The following CAMTA1 variants were observed in gnomAD, a reference collection of about 807,000 sequenced individuals.
The protein encoded by CAMTA1 is calmodulin binding transcription activator 1, also known as calmodulin-binding transcription activator 1.
Under a neutral mutation model 170.9 loss-of-function variants are expected in CAMTA1, and 27 were observed. The ratio of observed to expected loss-of-function variants is 0.16; its 90% CI spans 0.12 to 0.22. The LOEUF is 0.22. Among genes scored for constraint, CAMTA1 ranks in the 10% least tolerant of loss-of-function variants. CAMTA1 has a pLI of 1.00. For missense variants in CAMTA1, 1,619 were observed against 2,217.2 expected (o/e 0.73, Z 5.42); for synonymous variants, 833 against 891.5 (o/e 0.93, Z 1.17).
At chr1:7,684,884 AC>A (rs2096244846) in intron 11 of CAMTA1, among the ~76,000 whole-genome samples, 1 of 151,900 alleles carries the variant, frequency 6.6e-6, no homozygotes, top group East Asian at 1.9e-4. Flanking sequence ...GGCAAAACTG[AC>A]CCCCAGAAAA....
chr1:6,969,513 T>C (rs10864258), intron 3 of CAMTA1, among the ~76,000 whole-genome samples: 150,306 of 152,318 alleles, frequency 0.99, 74,182 homozygotes, highest in Middle Eastern at 1. Flanking sequence ...CCAGATGATG[T>C]AGTGGGAACT....
chr1:7,088,866 T>C (rs1641094271), intron 3 of CAMTA1, among the ~76,000 whole-genome samples: 1 of 152,176 alleles, frequency 6.6e-6, no homozygotes, highest in African/African-American at 2.4e-5. Flanking sequence ...GCTTAGTAAA[T>C]CCACGTACTG....
intron 5 of CAMTA1, among the ~76,000 whole-genome samples, chr1:7,335,163 G>T (rs2083301698): frequency 6.0e-5 from 2 of 33,448 alleles, no homozygotes; most frequent in African/African-American, 1.8e-4. Flanking sequence ...GGGGGTGGGG[G>T]TGGGGGGTGT....
At chr1:6,997,279 G>A (rs1191242710) in intron 3 of CAMTA1, among the ~76,000 whole-genome samples, 1 of 151,994 alleles carries the variant, frequency 6.6e-6, no homozygotes, top group Non-Finnish European at 1.5e-5. Flanking sequence ...GTGTGTGTGC[G>A]AGCCATCAGT....
chr1:7,646,164 A>AGGTGGAGGCCATGGTGACTGTGAG (rs1558049465), intron 7 of CAMTA1, among the ~76,000 whole-genome samples: 16 of 127,546 alleles, frequency 1.3e-4, no homozygotes, highest in African/African-American at 2.7e-4. Flanking sequence ...TGGTGACTGC[A>AGGTGGAGGCCATGGTGACTGTGAG]GGTGGAGGCC....
At chr1:7,749,882 G>A in intron 19 of CAMTA1, 1 of 450,554 alleles carries the variant, frequency 2.2e-6, no homozygotes, top group Non-Finnish European at 4.5e-6. Context: ...CCATTAAGAT[G>A]GCACAGTCAT....
intron 5 of CAMTA1, among the ~76,000 whole-genome samples, chr1:7,344,909 C>G (rs1295310159): frequency 3.7e-5 from 3 of 82,088 alleles, no homozygotes; most frequent in African/African-American, 1.3e-4. Context: ...ACCATGCCCG[C>G]CTAATTTTTT....
intron 3 of CAMTA1, among the ~76,000 whole-genome samples, chr1:6,883,506 A>G (rs1285548630): frequency 6.6e-6 from 1 of 152,108 alleles, no homozygotes; most frequent in African/African-American, 2.4e-5. Context: ...AGGTGAGTAC[A>G]GTGGAGGGAG....
In CAMTA1 at chr1:7,538,629, G is replaced by A. The variant is rs542514581; in HGVS notation, c.510+70728G>A. 3.0e-4 allele frequency among the ~76,000 whole-genome samples: 45 copies of A among 152,308 alleles called. 1 individual carries two copies. In the South Asian group the frequency reaches 7.0e-3, roughly 24 times the overall value. On this transcript the variant is annotated intron_variant, in intron 6 of 22. Coordinates refer to ENST00000303635, the MANE Select transcript of CAMTA1 (RefSeq NM_015215.4). ...CACACTGCTGCACTCCAGCCTGGAT[G>A]ACAGATCAAGACCAAGACCCTGTCT...
chr1:6,803,845 G>A (rs34529885), intron 1 of CAMTA1, among the ~76,000 whole-genome samples: 4,161 of 152,162 alleles, frequency 0.027, 80 homozygotes, highest in Non-Finnish European at 0.04. Flanking sequence ...CTCCCAAGTG[G>A]TTAGGAGTAC....
chr1:7,266,484 T>A (rs1402797709), intron 5 of CAMTA1, among the ~76,000 whole-genome samples: 1 of 152,202 alleles, frequency 6.6e-6, no homozygotes, highest in Non-Finnish European at 1.5e-5. Context: ...TGAAGAAACA[T>A]AAGTCCACGA....
rs890099240 is a variant in CAMTA1 at position 7,248,597 on chromosome 1, CCTCAG to C, written c.303-891_303-887del. On this transcript the variant is annotated intron_variant, in intron 4 of 22. Transcript: ENST00000303635. The surrounding 1 kb of genome is among the most constrained non-coding windows in gnomAD (Gnocchi z 4.0). ...GAAAGTGGTTTATCACAGCACTTGC[CCTCAG>C]CTGCTAGAGGGGTTTAGTTCTTTCT... Among the ~76,000 whole-genome samples the C allele has an allele frequency of 6.6e-6, 1 of 152,106 alleles. No individual in the cohort carries two copies. The highest frequency in any genetic ancestry group is 1.5e-5 in the Non-Finnish European group (1 of 68,028).
chr1:7,445,004 TGCTGTAATAAAA>T (rs1241263999), intron 5 of CAMTA1, among the ~76,000 whole-genome samples: 1 of 145,604 alleles, frequency 6.9e-6, no homozygotes, highest in Non-Finnish European at 1.5e-5. Flanking sequence ...GAATCAAATG[TGCTGTAATAAAA>T]GCGGTTGCAG....
intron 4 of CAMTA1, among the ~76,000 whole-genome samples, chr1:7,189,091 C>T (rs1219768557): frequency 6.6e-6 from 1 of 152,164 alleles, no homozygotes; most frequent in Non-Finnish European, 1.5e-5. Flanking sequence ...GTTCTCTATC[C>T]TGAATCCCAT....
intron 5 of CAMTA1, among the ~76,000 whole-genome samples, chr1:7,422,910 A>C (rs1323409438): frequency 7.9e-5 from 12 of 152,228 alleles, no homozygotes; most frequent in Admixed American, 7.9e-4. Context: ...CCTTTGATGG[A>C]TTTGTATTTG....
rs138726743 is a variant in CAMTA1 at position 7,492,837 on chromosome 1, ACG to A, written c.510+24938_510+24939del. Among the ~76,000 whole-genome samples the A allele has an allele frequency of 5.8e-3, 875 of 150,780 alleles. 12 individuals carry two copies. The highest frequency in any genetic ancestry group is 0.02 in the African/African-American group (812 of 40,892). On this transcript the variant is annotated intron_variant, in intron 6 of 22. Coordinates refer to ENST00000303635, the MANE Select transcript of CAMTA1 (RefSeq NM_015215.4). ...CGCACAGACACACAAACATACAAAC[ACG>A]CACACGCACAAACACAAACCTACAA...
intron 3 of CAMTA1, among the ~76,000 whole-genome samples, chr1:7,073,644 G>T (rs1178646941): frequency 6.6e-6 from 1 of 152,122 alleles, no homozygotes; most frequent in Non-Finnish European, 1.5e-5. Flanking sequence ...AGGAGAGAGG[G>T]TTATCAAAAG....
intron 6 of CAMTA1, among the ~76,000 whole-genome samples, chr1:7,632,820 A>G (rs1558030870): frequency 6.6e-6 from 1 of 152,254 alleles, no homozygotes; most frequent in Non-Finnish European, 1.5e-5. Flanking sequence ...TCACTGCTGC[A>G]TCCTCAACCA....
At chr1:7,612,638 C>T (rs867988129) in intron 6 of CAMTA1, among the ~76,000 whole-genome samples, 4 of 152,202 alleles carry the variant, frequency 2.6e-5, no homozygotes, top group East Asian at 1.9e-4. Flanking sequence ...ATCACCACTC[C>T]GAGCTCACTG....
Sources: gnomAD v4.1 joint callset for allele counts (sites outside exome capture counted in the v4.1 genomes callset) on GRCh38, gnomAD v4.1.1 for gene constraint, Gnocchi (gnomAD v3.1) non-coding constraint, MANE v1.5 for transcripts, NCBI Gene and HGNC (gene_info 2026-07-23, HGNC 2026-07-21) for gene names.